The following PML variants were observed in gnomAD, a reference collection of about 807,000 sequenced individuals.
The protein encoded by PML is protein PML.
PML carries 28 observed loss-of-function variants against 65.2 expected under a neutral mutation model. The observed-to-expected ratio is 0.43, with a 90% CI of 0.32 to 0.59. PML has a LOEUF of 0.59. Among genes scored for constraint, PML ranks in the 20% least tolerant of loss-of-function variants. The probability of loss-of-function intolerance (pLI) is 0.08; values close to 1 mark genes in which losing one functional copy is unlikely to be tolerated. For missense variants in PML, 1,021 were observed against 1,203.4 expected, an observed-to-expected ratio of 0.85 and a Z score of 2.24; for synonymous variants, 500 against 508.8, an observed-to-expected ratio of 0.98 and a Z score of 0.23.
intron 7 of PML, chr15:74,036,940 C>T (rs560686139): frequency 6.1e-6 from 6 of 985,380 alleles, no homozygotes; most frequent in Admixed American, 6.1e-5. Flanking sequence ...GTCCTACCTT[C>T]GCCTCCCTCC....
chr15:74,017,131 T>C (rs12911984), intron 2 of PML, among the ~76,000 whole-genome samples: 90,211 of 151,912 alleles, frequency 0.59, 26,928 homozygotes, highest in East Asian at 0.63. Flanking sequence ...TGGTTTCTTT[T>C]ATTTCTTCAG....
chr15:74,044,869 C>CCTG lies in PML; in HGVS notation c.2511_2512insTGC (p.Ala837_Gln838insCys). The stretch of plus-strand genomic sequence containing the variant: ...CTGCAGACCACCACGTTGCCCCCTG[C>CCTG]CCAGCCTGCTTTCAACCTGCAGGCT... On this transcript the variant is annotated inframe_insertion, in exon 9 of 9. Transcript: ENST00000268058. The CCTG allele has an allele frequency of 6.2e-7, 1 of 1,613,552 alleles. No homozygotes were observed. The highest frequency in any genetic ancestry group is 8.5e-7 in the Non-Finnish European group (1 of 1,180,030).
intron 4 of PML, chr15:74,028,442 C>T (rs1051321264): frequency 1.5e-5 from 2 of 135,008 alleles, no homozygotes; most frequent in East Asian, 2.1e-4. Context: ...ACTCCTTTTT[C>T]AAAAAAAAAA....
At position 74,044,574 on chromosome 15, in the gene PML, A is replaced by G. The variant is rs780649478; in HGVS notation, c.2215A>G (p.Ser739Gly). Residue 739 changes from serine (S) to glycine (G), a missense_variant, in exon 9 of 9, where the codon AGC becomes GGC. Physicochemically the swap from Ser to Gly is moderately conservative, Grantham distance 56. Coordinates refer to ENST00000268058, the MANE Select transcript of PML (RefSeq NM_033238.3). The part of the protein sequence containing the change: ...LAQTYLARNM[S>G]ERSAMAAVLA... The stretch of plus-strand genomic sequence containing the variant: ...CCAGACCTACCTGGCGAGAAACATG[A>G]GCGAGCGCAGCGCCATGGCTGCCGT... 6.2e-7 allele frequency: 1 copy of G among 1,611,016 alleles called. No individual in the cohort carries two copies. The highest frequency in any genetic ancestry group is 8.5e-7 in the Non-Finnish European group (1 of 1,180,006).
chr15:74,028,996 A>G (rs1010289741), intron 4 of PML, among the ~76,000 whole-genome samples: 2 of 152,142 alleles, frequency 1.3e-5, no homozygotes, highest in Admixed American at 6.5e-5. Context: ...CTTGCTTTCA[A>G]TTATTTTGCA....
intron 2 of PML, among the ~76,000 whole-genome samples, chr15:74,001,131 T>A (rs2069741803): frequency 6.6e-6 from 1 of 152,206 alleles, no homozygotes. Context: ...CCCCTTTTTT[T>A]ATTTCTGATG....
chr15:74,030,820 T>G (rs1294575061), intron 4 of PML, among the ~76,000 whole-genome samples: 1 of 152,182 alleles, frequency 6.6e-6, no homozygotes, highest in Admixed American at 6.5e-5. Context: ...ACTATAATTT[T>G]TATGGCGATA....
chr15:74,032,039 G>A (rs973321022), intron 4 of PML, among the ~76,000 whole-genome samples: 5 of 152,188 alleles, frequency 3.3e-5, no homozygotes, highest in African/African-American at 7.2e-5. Context: ...GCCAGTTTCA[G>A]CTCAATGGGA....
chr15:74,015,003 A>G (rs143875228), intron 2 of PML, among the ~76,000 whole-genome samples: 1 of 152,238 alleles, frequency 6.6e-6, no homozygotes, highest in Non-Finnish European at 1.5e-5. Flanking sequence ...TGGAGAAGAA[A>G]AAGCACAAAC....
chr15:74,005,574 T>G (rs981055707), intron 2 of PML, among the ~76,000 whole-genome samples: 2 of 104,308 alleles, frequency 1.9e-5, no homozygotes, highest in Non-Finnish European at 4.7e-5. Flanking sequence ...TTGTTGTGGG[T>G]TTTTTTCCCC....
intron 7 of PML, among the ~76,000 whole-genome samples, chr15:74,040,104 A>AG (rs2071661772): frequency 2.0e-5 from 3 of 151,938 alleles, no homozygotes; most frequent in Admixed American, 6.6e-5. Context: ...GGCTCTCACG[A>AG]GGCTCAGCCT....
In PML at chr15:74,023,017, CG is replaced by C; in HGVS notation, c.793del (p.Val265SerfsTer14). ...CGGTTCACGCGCAGATGCACGCGGCCGTCGGCCAGCTGGGCCGCGCGCGTGC... is the reference window on the plus strand; with the variant it reads ...CGGTTCACGCGCAGATGCACGCGGCCTCGGCCAGCTGGGCCGCGCGCGTGC... ...GAVHAQMHAA[V>X]GQLGRARAET... is the part of the protein sequence containing the mutation. On this transcript the variant is annotated frameshift_variant, in exon 3 of 9. Coordinates refer to ENST00000268058, the MANE Select transcript of PML (RefSeq NM_033238.3). LOFTEE classifies it high-confidence loss of function. 6.2e-7 allele frequency: 1 copy of C among 1,607,304 alleles called. No individual in the cohort carries two copies. Among genetic ancestry groups the C allele is most frequent in the Non-Finnish European group, 8.5e-7 (1 of 1,178,492 alleles).
rs778647650 is a variant in PML, at chr15:74,002,815, G to A, written c.602+4339G>A. Among the ~76,000 whole-genome samples the A allele has an allele frequency of 1.5e-4, 23 of 152,160 alleles. 1 individual carries two copies. The highest frequency in any genetic ancestry group is 2.6e-4 in the African/African-American group (11 of 41,532). On this transcript the variant is annotated intron_variant, in intron 2 of 8. Transcript: ENST00000268058. ...GTTCTCTAAATGATAATTACAGAGT[G>A]GTAACTTCCCCATCAAAACATATAT...
intron 7 of PML, among the ~76,000 whole-genome samples, chr15:74,038,348 A>G (rs2071619046): frequency 6.6e-6 from 1 of 151,924 alleles, no homozygotes; most frequent in African/African-American, 2.4e-5. Context: ...GGGGCTATAC[A>G]GTGAATTAAG....
At position 74,043,247 on chromosome 15, in the gene PML, G is replaced by T; in HGVS notation, c.1861+108G>T. On this transcript the variant is annotated intron_variant, in intron 8 of 8. Transcript: ENST00000268058. This position sits in a 1 kb window ranked among gnomAD's most constrained non-coding sequence, Gnocchi z 4.3. ...AGGCCCAGGAGAGCTCTGAGCTCTG[G>T]CCAACAACTGCAGCCAGGCTGGGCA... The T allele has an allele frequency of 6.3e-7, 1 of 1,599,676 alleles. No homozygotes were observed.
rs1169828822 is a variant in PML at position 74,023,277 on chromosome 15, T to G, written c.1052T>G (p.Phe351Cys). 6.2e-7 allele frequency: 1 copy of G among 1,610,638 alleles called. No homozygotes were observed. The highest frequency in any genetic ancestry group is 8.5e-7 in the Non-Finnish European group (1 of 1,179,640). The stretch of plus-strand genomic sequence containing the variant: ...CAGGAGGTGCTGGACATGCACGGTT[T>G]CCTGCGCCAGGCGCTCTGCCGCCTG... Reference protein sequence around the residue: ...SDQEVLDMHGFLRQALCRLRQ... With the variant: ...SDQEVLDMHGCLRQALCRLRQ... The change falls in exon 3 of 9, where the codon TTC becomes TGC. Residue 351 changes from phenylalanine to cysteine, a missense_variant. By Grantham distance (205) the Phe-to-Cys change is radical (BLOSUM62 -2). Coordinates refer to ENST00000268058, the MANE Select transcript of PML (RefSeq NM_033238.3).
intron 2 of PML, among the ~76,000 whole-genome samples, chr15:74,018,845 T>C (rs2070712441): frequency 6.6e-6 from 1 of 152,230 alleles, no homozygotes; most frequent in African/African-American, 2.4e-5. Flanking sequence ...AAATAGATGT[T>C]ATTTCGCCTT....
intron 7 of PML, among the ~76,000 whole-genome samples, chr15:74,039,642 T>C (rs982225217): frequency 6.6e-6 from 1 of 152,194 alleles, no homozygotes. Flanking sequence ...GATTCCTAGG[T>C]CCTACGCCCT....
At chr15:74,032,275 T>C in intron 4 of PML, 1 of 454,906 alleles carries the variant, frequency 2.2e-6, no homozygotes, top group Non-Finnish European at 4.0e-6. Flanking sequence ...CTCGTGCCTG[T>C]AATCCCAGCA....
Sources: allele counts gnomAD v4.1 joint callset (sites outside exome capture counted in the v4.1 genomes callset), GRCh38; gene constraint gnomAD v4.1.1; non-coding constraint Gnocchi (gnomAD v3.1); transcripts MANE v1.5; gene names NCBI Gene and HGNC (gene_info 2026-07-23, HGNC 2026-07-21).